Variants in ROCK2 observed in about 807,000 individuals in gnomAD.
ROCK2 encodes the protein rho-associated protein kinase 2.
In ROCK2, 61 loss-of-function variants were observed where a neutral mutation model predicts 195.1. The ratio of observed to expected loss-of-function variants is 0.31; its 90% CI spans 0.25 to 0.39. The LOEUF (loss-of-function observed/expected upper bound fraction) is 0.39. Among genes scored for constraint, ROCK2 ranks in the 10% least tolerant of loss-of-function variants. The pLI is 1.00. For missense variants in ROCK2, 1,109 were observed against 1,637.4 expected, an observed-to-expected ratio of 0.68 and a Z score of 5.57; for synonymous variants, 504 against 545.5, an observed-to-expected ratio of 0.92 and a Z score of 1.06.
At chr2:11,213,684 T>C (rs930443076) in intron 17 of ROCK2, among the ~76,000 whole-genome samples, 1 of 151,924 alleles carries the variant, frequency 6.6e-6, no homozygotes, top group African/African-American at 2.4e-5. Flanking sequence ...CATGCTGTTC[T>C]CCCTAACTTA....
rs533688038 is a variant in ROCK2 at position 11,327,666 on chromosome 2, A to G, written c.141+16330T>C. On this transcript the variant is annotated intron_variant, in intron 1 of 32. Coordinates refer to ENST00000315872, the MANE Select transcript of ROCK2 (RefSeq NM_004850.5). ...AAATCTCCACCTCCCCAGCTCAAGC[A>G]ATCCTTCCACCTCAGACTCTCAAGA... Among the ~76,000 whole-genome samples the G allele has an allele frequency of 9.2e-5, 14 of 152,298 alleles. No homozygotes were observed. In the East Asian group the frequency reaches 2.7e-3, roughly 29 times the overall value.
chr2:11,216,274 A>G (rs1664424734), intron 12 of ROCK2, 68 bp from the exon 13 acceptor site: 3 of 1,152,134 alleles, frequency 2.6e-6, no homozygotes, highest in Non-Finnish European at 3.9e-6. Context: ...TATAAATTTA[A>G]AAGTAATTAC....
rs1663524187 is a variant in ROCK2 at position 11,193,824 on chromosome 2, T to C, written c.3642A>G (p.Thr1214=). The part of the protein sequence containing the change: ...KLFHVRPVTQ[T]DVYRADAKEI... ...CTTTAGCATCTGCTCTATACACATCTGTCTGTGTAACTGGTCGGACATGAA... is the reference window on the plus strand; with the variant it reads ...CTTTAGCATCTGCTCTATACACATCCGTCTGTGTAACTGGTCGGACATGAA... Residue 1214 remains threonine, a synonymous_variant, in exon 30 of 33, where the codon ACA becomes ACG. Transcript: ENST00000315872. 1.2e-6 allele frequency: 2 copies of C among 1,603,612 alleles called. No individual in the cohort carries two copies. Among genetic ancestry groups the C allele is most frequent in the Non-Finnish European group, 1.7e-6 (2 of 1,173,920 alleles).
chr2:11,311,769 A>G (rs1460762903), intron 1 of ROCK2, among the ~76,000 whole-genome samples: 1 of 127,372 alleles, frequency 7.9e-6, no homozygotes, highest in South Asian at 2.1e-4. Context: ...ACGCGCGTGC[A>G]CACACACACA....
intron 9 of ROCK2, 48 bp downstream of exon 9, chr2:11,221,150 A>T: frequency 7.3e-7 from 1 of 1,378,810 alleles, no homozygotes; most frequent in Non-Finnish European, 9.7e-7. Flanking sequence ...ATCATCTTAT[A>T]GCTAGATTCT....
intron 9 of ROCK2, among the ~76,000 whole-genome samples, chr2:11,220,932 C>T (rs984147707): frequency 3.3e-5 from 5 of 152,114 alleles, no homozygotes; most frequent in South Asian, 4.1e-4. Flanking sequence ...ATATCCTTCA[C>T]GAGATGACAA....
chr2:11,199,703 G>A (rs1215601663), intron 23 of ROCK2, among the ~76,000 whole-genome samples: 2 of 152,094 alleles, frequency 1.3e-5, no homozygotes, highest in African/African-American at 4.8e-5. Context: ...GCATTAAATT[G>A]CTGATACAAA....
chr2:11,342,099 T>C (rs917164553), intron 1 of ROCK2, among the ~76,000 whole-genome samples: 2 of 152,210 alleles, frequency 1.3e-5, no homozygotes, highest in African/African-American at 4.8e-5. Flanking sequence ...ATTTCGTTTA[T>C]CAATTTGTAA....
chr2:11,305,780 A>G (rs1480690252), intron 1 of ROCK2, among the ~76,000 whole-genome samples: 4 of 152,222 alleles, frequency 2.6e-5, no homozygotes, highest in Admixed American at 2.6e-4. Flanking sequence ...AATAAACTAT[A>G]GTTATGTAAG....
chr2:11,194,444 TA>T (rs1663548186), intron 28 of ROCK2, 100 bp from the exon 29 acceptor site: 1 of 417,814 alleles, frequency 2.4e-6, no homozygotes, highest in Non-Finnish European at 4.4e-6. Flanking sequence ...ATAAAAATCA[TA>T]AAATACTAAG....
chr2:11,265,709 T>C (rs2148154694), intron 3 of ROCK2, among the ~76,000 whole-genome samples: 1 of 152,316 alleles, frequency 6.6e-6, no homozygotes, highest in Middle Eastern at 3.4e-3. Flanking sequence ...AATGCATTCA[T>C]ATATTAAATT....
chr2:11,185,842 T>C (rs1025090401), intron 32 of ROCK2, among the ~76,000 whole-genome samples: 11 of 152,188 alleles, frequency 7.2e-5, no homozygotes, highest in African/African-American at 2.7e-4. Context: ...AAGGAACTCA[T>C]CTGGTCCCCA....
chr2:11,226,317 T>C (rs912267408), intron 6 of ROCK2, among the ~76,000 whole-genome samples: 1 of 152,212 alleles, frequency 6.6e-6, no homozygotes, highest in African/African-American at 2.4e-5. Flanking sequence ...CTTCAGCCTT[T>C]CAAATTTTGA....
intron 1 of ROCK2, among the ~76,000 whole-genome samples, chr2:11,334,435 C>T (rs1668859321): frequency 1.4e-5 from 2 of 145,058 alleles, no homozygotes; most frequent in Admixed American, 7.5e-5. Context: ...CCCTTGAACC[C>T]GGGAGGCAGA....
At chr2:11,336,897 G>GC (rs1668945990) in intron 1 of ROCK2, among the ~76,000 whole-genome samples, 1 of 152,184 alleles carries the variant, frequency 6.6e-6, no homozygotes, top group Non-Finnish European at 1.5e-5. Context: ...CATGAGGATG[G>GC]CGACAATTAC....
chr2:11,191,688 C>T (rs750688598), intron 32 of ROCK2, among the ~76,000 whole-genome samples: 10 of 152,086 alleles, frequency 6.6e-5, no homozygotes, highest in Non-Finnish European at 1.3e-4. Context: ...TACAGTAAGT[C>T]CTCACTGGAC....
At position 11,210,435 on chromosome 2, in the gene ROCK2, T is replaced by G. The variant is rs149592674; in HGVS notation, c.2203+1246A>C. Among the ~76,000 whole-genome samples the G allele has an allele frequency of 4.0e-3, 614 of 152,016 alleles. 1 individual carries two copies. The highest frequency in any genetic ancestry group is 7.3e-3 in the Non-Finnish European group (496 of 67,950). ...CCTGGGCTCAAGCAATGTTCCTGCATCATTGCAGGAATACTGAGAGTCCTA... is the reference window on the plus strand; with the variant it reads ...CCTGGGCTCAAGCAATGTTCCTGCAGCATTGCAGGAATACTGAGAGTCCTA... On this transcript the variant is annotated intron_variant, in intron 18 of 32. Coordinates refer to ENST00000315872, the MANE Select transcript of ROCK2 (RefSeq NM_004850.5).
chr2:11,247,651 G>A (rs1358214265), intron 4 of ROCK2, among the ~76,000 whole-genome samples: 6 of 152,238 alleles, frequency 3.9e-5, no homozygotes, highest in Middle Eastern at 3.4e-3. Context: ...ATGGCAATCC[G>A]CTACTATGAA....
intron 3 of ROCK2, among the ~76,000 whole-genome samples, chr2:11,281,316 T>C (rs371581959): frequency 2.0e-5 from 3 of 150,368 alleles, no homozygotes; most frequent in Non-Finnish European, 2.9e-5. Context: ...GGTAAGAAAC[T>C]AGCTTTCCCA....
Sources: gnomAD v4.1 joint callset for allele counts (sites outside exome capture counted in the v4.1 genomes callset) on GRCh38, gnomAD v4.1.1 for gene constraint, MANE v1.5 for transcripts, NCBI Gene and HGNC (gene_info 2026-07-23, HGNC 2026-07-21) for gene names.